Variants in SLC25A33 observed in about 807,000 individuals in gnomAD.
SLC25A33 encodes the protein bone marrow stromal cell mitochondrial carrier protein.
SLC25A33 carries 15 observed loss-of-function variants against 35.5 expected under a neutral mutation model. The observed-to-expected ratio is 0.42, with a 90% CI of 0.28 to 0.65. The LOEUF (loss-of-function observed/expected upper bound fraction) is 0.65, where lower values mean the gene tolerates loss of function less well. Among genes scored for constraint, SLC25A33 ranks in the 30% least tolerant of loss-of-function variants. The pLI, the probability that SLC25A33 is intolerant of heterozygous loss-of-function variation, is 0.20. For missense variants in SLC25A33, 257 were observed against 398.5 expected (o/e 0.64, Z 3.02); for synonymous variants, 136 against 148.7 (o/e 0.91, Z 0.62).
Position 9,584,009 on chromosome 1 carries a change from A to C in SLC25A33, c.*1508A>C, listed in dbSNP as rs1212298227. 6.6e-6 allele frequency: 1 copy of C among 151,794 alleles called. No homozygotes were observed. Among genetic ancestry groups the C allele is most frequent in the Non-Finnish European group, 1.5e-5 (1 of 67,960 alleles). The allele number at this position is 151,794 out of a possible 1,614,324, so 9.4% of individuals were successfully genotyped here. A position where few individuals can be genotyped will look rare whatever the true frequency, so the allele number is the denominator to read the frequency against. Reference sequence around the variant, plus strand: ...GACTCCATCTCAAAAAAAAAAAAAAAACCAGGATGTTACCCCCTTGGTTTT... The same window carrying C: ...GACTCCATCTCAAAAAAAAAAAAAACACCAGGATGTTACCCCCTTGGTTTT... On this transcript the variant is annotated 3_prime_UTR_variant, in exon 7 of 7. Coordinates refer to ENST00000302692, the MANE Select transcript of SLC25A33 (RefSeq NM_032315.3).
chr1:9,539,833 C>A, intron 1 of SLC25A33, 86 bp downstream of exon 1: 2 of 1,181,634 alleles, frequency 1.7e-6, no homozygotes, highest in Non-Finnish European at 2.1e-6. Flanking sequence ...CCTCCCGCGG[C>A]GGTTACCGGC....
At chr1:9,560,877 TA>T (rs147879709) in intron 2 of SLC25A33, among the ~76,000 whole-genome samples, 3,534 of 150,964 alleles carry the variant, frequency 0.023, 139 homozygotes, top group African/African-American at 0.082. Context: ...TATTTGCTTT[TA>T]AAAAAAATAA....
rs540996881 is a variant in SLC25A33 at position 9,541,628 on chromosome 1, CTTAAA to C, written c.56+1886_56+1890del. Among the ~76,000 whole-genome samples, 93 of 149,868 alleles carry C rather than the reference CTTAAA, an allele frequency of 6.2e-4. No individual in the cohort carries two copies. In the South Asian group the frequency reaches 7.6e-3, roughly 12 times the overall value. The stretch of plus-strand genomic sequence containing the variant: ...CAGAGTAACACAAGGGGGAAGCATT[CTTAAA>C]TTAAGCCACTCTATATAAATTTGTC... On this transcript the variant is annotated intron_variant, in intron 1 of 6. Coordinates refer to ENST00000302692, the MANE Select transcript of SLC25A33 (RefSeq NM_032315.3).
At chr1:9,575,936 C>T (rs1370465046) in intron 5 of SLC25A33, among the ~76,000 whole-genome samples, 1 of 152,182 alleles carries the variant, frequency 6.6e-6, no homozygotes, top group East Asian at 1.9e-4. Flanking sequence ...TGTCCCTCAC[C>T]AGAGATTCCC....
At chr1:9,576,442 A>T in intron 5 of SLC25A33, 1 of 390,904 alleles carries the variant, frequency 2.6e-6, no homozygotes, top group African/African-American at 2.1e-5. Flanking sequence ...GACCATTCAC[A>T]GCAATCAGAC....
chr1:9,570,492 T>C (rs1447937473), intron 4 of SLC25A33, 134 bp downstream of exon 4: 1 of 721,098 alleles, frequency 1.4e-6, no homozygotes, highest in East Asian at 2.6e-5. Context: ...TAAAGCTTTA[T>C]GTTACAACCA....
At position 9,553,649 on chromosome 1, in the gene SLC25A33, T is replaced by C. The variant is rs776682367; in HGVS notation, c.80T>C (p.Ile27Thr). Residue 27 changes from isoleucine to threonine, a missense_variant, in exon 2 of 7, where the codon ATT (isoleucine) becomes ACT (threonine). Transcript: ENST00000302692. Reference protein sequence around the residue: ...AGGCGGTVGAIFTCPLEVIKT... With the variant: ...AGGCGGTVGATFTCPLEVIKT... ...AGGTGTGGAGGCACAGTTGGTGCTA[T>C]TTTCACTTGTCCACTAGAAGTCATT... 6.2e-7 allele frequency: 1 copy of C among 1,613,624 alleles called. No homozygotes were observed. Among genetic ancestry groups the C allele is most frequent in the Admixed American group, 1.7e-5 (1 of 60,006 alleles).
rs1351197036 is a variant in SLC25A33, at chr1:9,539,708, A to C, written c.17A>C (p.Gln6Pro). The C allele has an allele frequency of 7.2e-7, 1 of 1,395,526 alleles. No individual in the cohort carries two copies. The allele number at this position is 1,395,526 out of a possible 1,614,324, so 86.4% of individuals were successfully genotyped here. The change falls in exon 1 of 7, where the codon CAG becomes CCG. Residue 6 changes from glutamine (Q) to proline (P), a missense_variant. By Grantham distance (76) the Gln-to-Pro change is moderately conservative. Transcript: ENST00000302692. Reference protein sequence around the residue: MATGGQQKENTLLHLF... With the variant: MATGGPQKENTLLHLF... ...GGCGCGGCCATGGCGACGGGCGGCC[A>C]GCAGAAGGAGAACACGCTGCTTCAC...
At chr1:9,562,233 A>G (rs1315047308) in intron 2 of SLC25A33, among the ~76,000 whole-genome samples, 1 of 150,788 alleles carries the variant, frequency 6.6e-6, no homozygotes, top group East Asian at 2.0e-4. Context: ...CTGTAATCCC[A>G]GCTATCCAGG....
chr1:9,577,133 G>A, intron 5 of SLC25A33: 2 of 480,246 alleles, frequency 4.2e-6, no homozygotes, highest in Non-Finnish European at 3.8e-6. Context: ...TTTGGGCAGA[G>A]AGAAGGTGAG....
At chr1:9,553,460 G>C (rs6540945) in intron 1 of SLC25A33, among the ~76,000 whole-genome samples, 166 bp from the exon 2 acceptor site, 59,505 of 151,432 alleles carry the variant, frequency 0.39, 15,479 homozygotes, top group East Asian at 0.89. Flanking sequence ...GTCTCGATCT[G>C]CTGACCTCGT....
At chr1:9,555,192 A>G (rs957499153) in intron 2 of SLC25A33, among the ~76,000 whole-genome samples, 4 of 132,094 alleles carry the variant, frequency 3.0e-5, no homozygotes, top group African/African-American at 8.9e-5. Context: ...ATCTCCACTT[A>G]CTGCAAGCTC....
At chr1:9,568,874 CA>C (rs1364997826) in intron 3 of SLC25A33, among the ~76,000 whole-genome samples, 1 of 150,856 alleles carries the variant, frequency 6.6e-6, no homozygotes, top group African/African-American at 2.4e-5. Context: ...TGAAGTCTTA[CA>C]ACAAAAATGA....
At chr1:9,542,698 A>C (rs1643104437) in intron 1 of SLC25A33, among the ~76,000 whole-genome samples, 1 of 152,254 alleles carries the variant, frequency 6.6e-6, no homozygotes, top group Non-Finnish European at 1.5e-5. Context: ...AGTCCCCACT[A>C]AAAATCTGTC....
At position 9,556,681 on chromosome 1, in the gene SLC25A33, C is replaced by G. The variant is rs906272998; in HGVS notation, c.236+2876C>G. ...TAAGAGATTGTGTGTGTGTCTGTGTCTGTGTGTGTGTGTGTGTGTCTGTGT... is the reference window on the plus strand; with the variant it reads ...TAAGAGATTGTGTGTGTGTCTGTGTGTGTGTGTGTGTGTGTGTGTCTGTGT... On this transcript the variant is annotated intron_variant, in intron 2 of 6. Coordinates refer to ENST00000302692, the MANE Select transcript of SLC25A33 (RefSeq NM_032315.3). Among the ~76,000 whole-genome samples, 136 of 149,492 alleles carry G rather than the reference C, an allele frequency of 9.1e-4. 1 individual carries two copies. Among genetic ancestry groups the G allele is most frequent in the African/African-American group, 3.1e-3 (127 of 40,818 alleles).
intron 2 of SLC25A33, among the ~76,000 whole-genome samples, chr1:9,556,027 G>A (rs1557527826): frequency 6.6e-6 from 1 of 152,138 alleles, no homozygotes; most frequent in Non-Finnish European, 1.5e-5. Flanking sequence ...AAGGAGTGGA[G>A]ACACTGGGCA....
chr1:9,579,922 C>T (rs1557538387), intron 5 of SLC25A33, 32 bp from the exon 6 acceptor site: 1 of 1,595,004 alleles, frequency 6.3e-7, no homozygotes, highest in African/African-American at 1.4e-5. Context: ...GATATGTCTC[C>T]TTAACAGCCT....
chr1:9,546,333 C>G (rs978423359), intron 1 of SLC25A33, among the ~76,000 whole-genome samples: 8 of 151,696 alleles, frequency 5.3e-5, no homozygotes, highest in African/African-American at 1.7e-4. Context: ...TATAGGCACC[C>G]GCCACCACAC....
At chr1:9,580,877 T>A (rs868736613) in intron 6 of SLC25A33, among the ~76,000 whole-genome samples, 104 of 146,548 alleles carry the variant, frequency 7.1e-4, no homozygotes, top group African/African-American at 2.0e-3. Context: ...ATAATAATAA[T>A]AATAATAATA....
Sources: allele counts gnomAD v4.1 joint callset (sites outside exome capture counted in the v4.1 genomes callset), GRCh38; gene constraint gnomAD v4.1.1; transcripts MANE v1.5; gene names NCBI Gene and HGNC (gene_info 2026-07-23, HGNC 2026-07-21).